The following ENTHD1 variants were observed in gnomAD, a reference collection of about 807,000 sequenced individuals.
The protein encoded by ENTHD1 is ENTH domain containing 1, also known as ENTH domain-containing protein 1.
A neutral mutation model predicts 39.1 loss-of-function variants in ENTHD1; 23 were observed. The observed-to-expected ratio is 0.59, with a 90% CI of 0.42 to 0.83. ENTHD1 has a LOEUF of 0.83. ENTHD1 is among the 40% of genes least tolerant of loss of function. The pLI is 0.00. For synonymous variants in ENTHD1, 230 were observed against 258.2 expected (o/e 0.89, Z 1.05); for missense variants, 624 against 705.4 (o/e 0.88, Z 1.31).
chr22:39,877,430 C>T (rs1311671165), intron 2 of ENTHD1, among the ~76,000 whole-genome samples: 1 of 152,210 alleles, frequency 6.6e-6, no homozygotes, highest in African/African-American at 2.4e-5. Context: ...TTGGATCCGT[C>T]AGAGAGGTGT....
intron 5 of ENTHD1, among the ~76,000 whole-genome samples, chr22:39,813,465 T>C (rs573901257): frequency 6.6e-6 from 1 of 152,216 alleles, no homozygotes; most frequent in South Asian, 2.1e-4. Flanking sequence ...GTTATTTTAA[T>C]ATCTGGAAAT....
chr22:39,886,230 A>G (rs1388913992), intron 2 of ENTHD1, among the ~76,000 whole-genome samples: 1 of 152,194 alleles, frequency 6.6e-6, no homozygotes, highest in Non-Finnish European at 1.5e-5. Context: ...GATGATAAAA[A>G]GACCAGTGGT....
chr22:39,746,556 T>C (rs1252543230), intron 6 of ENTHD1, among the ~76,000 whole-genome samples: 2 of 152,336 alleles, frequency 1.3e-5, no homozygotes, highest in East Asian at 3.9e-4. Flanking sequence ...GGATTAAAAG[T>C]TGAAAGGAAC....
intron 5 of ENTHD1, among the ~76,000 whole-genome samples, chr22:39,809,558 C>T (rs1459331141): frequency 6.6e-6 from 1 of 152,180 alleles, no homozygotes; most frequent in Non-Finnish European, 1.5e-5. Context: ...GGAGAGGGAG[C>T]TTAAAAGCTC....
chr22:39,757,687 A>T (rs570515216), intron 6 of ENTHD1, among the ~76,000 whole-genome samples: 65 of 152,106 alleles, frequency 4.3e-4, no homozygotes, highest in African/African-American at 1.5e-3. Flanking sequence ...AAAAAAAAAA[A>T]TTTAAAAATT....
intron 3 of ENTHD1, among the ~76,000 whole-genome samples, chr22:39,844,016 G>A (rs1018150662): frequency 6.6e-6 from 1 of 151,970 alleles, no homozygotes; most frequent in Non-Finnish European, 1.5e-5. Flanking sequence ...TCAAAACACA[G>A]GAGATGGAGT....
intron 5 of ENTHD1, among the ~76,000 whole-genome samples, chr22:39,785,697 T>A (rs1354259693): frequency 6.6e-6 from 1 of 152,150 alleles, no homozygotes; most frequent in Non-Finnish European, 1.5e-5. Flanking sequence ...ACATGAGACA[T>A]CCAAGCCTGG....
At chr22:39,809,605 C>T (rs1469003478) in intron 5 of ENTHD1, among the ~76,000 whole-genome samples, 1 of 152,178 alleles carries the variant, frequency 6.6e-6, no homozygotes, top group African/African-American at 2.4e-5. Flanking sequence ...CTATTACATA[C>T]AATTTGCTCA....
At chr22:39,873,776 T>C (rs1459439832) in intron 2 of ENTHD1, among the ~76,000 whole-genome samples, 5 of 152,250 alleles carry the variant, frequency 3.3e-5, no homozygotes, top group Non-Finnish European at 4.4e-5. Context: ...ACACAAAAGC[T>C]AATTCTAGAT....
chr22:39,818,527 C>T (rs922506616), intron 5 of ENTHD1, among the ~76,000 whole-genome samples: 5 of 152,166 alleles, frequency 3.3e-5, no homozygotes, highest in African/African-American at 1.2e-4. Context: ...TGAGTACTGG[C>T]AGTTTTAGGT....
chr22:39,752,419 G>A (rs1422739124), intron 6 of ENTHD1, among the ~76,000 whole-genome samples: 1 of 152,182 alleles, frequency 6.6e-6, no homozygotes, highest in African/African-American at 2.4e-5. Context: ...AGAATGGGGA[G>A]TGACTGCTAA....
chr22:39,887,905 T>C lies in ENTHD1; in HGVS notation c.-155-2A>G. On this transcript the variant is annotated splice_acceptor_variant, in intron 1 of 6. Coordinates refer to ENST00000325157, the MANE Select transcript of ENTHD1 (RefSeq NM_152512.4). LOFTEE classifies it low-confidence loss of function (5UTR_SPLICE). ...CTATGTTGATAAAGTATCAATTTCC[T>C]GCAAGGAAAGCACAAAAAAATTTAC... 1 of 559,146 alleles carries C rather than the reference T, an allele frequency of 1.8e-6. No individual in the cohort carries two copies. The highest frequency in any genetic ancestry group is 3.0e-6 in the Non-Finnish European group (1 of 336,830). 34.6% of individuals were successfully genotyped at this position (559,146 alleles called of 1,614,324 possible).
chr22:39,811,935 A>G (rs2065689744), intron 5 of ENTHD1, among the ~76,000 whole-genome samples: 1 of 151,884 alleles, frequency 6.6e-6, no homozygotes, highest in South Asian at 2.1e-4. Flanking sequence ...GCCGAGATCA[A>G]GTCACTGCAC....
intron 5 of ENTHD1, among the ~76,000 whole-genome samples, chr22:39,805,453 T>G (rs1015651646): frequency 6.6e-6 from 1 of 152,178 alleles, no homozygotes; most frequent in African/African-American, 2.4e-5. Flanking sequence ...GGCCTCAGGT[T>G]GGGGACATGG....
chr22:39,871,143 C>T (rs920968520), intron 2 of ENTHD1, among the ~76,000 whole-genome samples: 5 of 151,030 alleles, frequency 3.3e-5, no homozygotes, highest in Non-Finnish European at 5.9e-5. Context: ...ACACTCCAAC[C>T]GGGGCAATGG....
In ENTHD1 at chr22:39,820,993, C is replaced by T; in HGVS notation, c.832G>A (p.Asp278Asn). 6.2e-7 allele frequency: 1 copy of T among 1,613,854 alleles called. No individual in the cohort carries two copies. The highest frequency in any genetic ancestry group is 8.5e-7 in the Non-Finnish European group (1 of 1,179,860). The part of the protein sequence containing the change: ...AEEVCNLSGA[D>N]AVPTLSENSP... The stretch of plus-strand genomic sequence containing the variant: ...ACTTCCTATTCCTTAACCAATTTAC[C>T]TGCACCCGAAAGATTACAAACTTCT... Residue 278 changes from aspartate (D) to asparagine (N), a missense_variant and splice_region_variant, in exon 5 of 7, where the codon GAT (aspartate) becomes AAT (asparagine). By Grantham distance (23) the Asp-to-Asn change is conservative (BLOSUM62 1). Coordinates refer to ENST00000325157, the MANE Select transcript of ENTHD1 (RefSeq NM_152512.4).
chr22:39,822,052 A>G (rs745396951), intron 4 of ENTHD1, among the ~76,000 whole-genome samples: 2 of 152,220 alleles, frequency 1.3e-5, no homozygotes, highest in Non-Finnish European at 2.9e-5. Flanking sequence ...TCAAACTGAT[A>G]AACTTCATAG....
At chr22:39,869,221 C>T (rs1414998512) in intron 2 of ENTHD1, among the ~76,000 whole-genome samples, 1 of 152,030 alleles carries the variant, frequency 6.6e-6, no homozygotes, top group African/African-American at 2.4e-5. Flanking sequence ...ATCTAGGTGC[C>T]CATCAATGGT....
chr22:39,867,562 A>G lies in ENTHD1; in HGVS notation c.350-5555T>C, dbSNP rs1469467048. ...TTCTCTCCTCTTCATCTTGATTCAGACCTTGATCATTTGTTGCCTGTGGTG... is the reference window on the plus strand; with the variant it reads ...TTCTCTCCTCTTCATCTTGATTCAGGCCTTGATCATTTGTTGCCTGTGGTG... On this transcript the variant is annotated intron_variant, in intron 2 of 6. Transcript: ENST00000325157. This position sits in a 1 kb window ranked among gnomAD's most constrained non-coding sequence, Gnocchi z 4.5. Among the ~76,000 whole-genome samples, 2 of 151,870 alleles carry G rather than the reference A, an allele frequency of 1.3e-5. No homozygotes were observed.
Sources: gnomAD v4.1 joint callset for allele counts (sites outside exome capture counted in the v4.1 genomes callset) on GRCh38, gnomAD v4.1.1 for gene constraint, Gnocchi (gnomAD v3.1) non-coding constraint, MANE v1.5 for transcripts, NCBI Gene and HGNC (gene_info 2026-07-23, HGNC 2026-07-21) for gene names.